MKNK1: variants seen among roughly 807,000 people sequenced by gnomAD.
MKNK1 encodes MAPK interacting serine/threonine kinase 1, also known as MAP kinase-interacting serine/threonine-protein kinase 1.
A neutral mutation model predicts 49.3 loss-of-function variants in MKNK1; 30 were observed. The ratio of observed to expected loss-of-function variants is 0.61; its 90% confidence interval spans 0.46 to 0.83. MKNK1 has a LOEUF of 0.83. Ranked by LOEUF, MKNK1 falls within the 40% of genes least tolerant of loss-of-function variation. MKNK1 has a pLI of 0.00. For missense variants in MKNK1, 423 were observed against 524.7 expected (o/e 0.81, Z 1.89); for synonymous variants, 176 against 201.7 (o/e 0.87, Z 1.08).
intron 1 of MKNK1, among the ~76,000 whole-genome samples, chr1:46,594,527 G>A (rs540081208): frequency 6.6e-6 from 1 of 152,246 alleles, no homozygotes; most frequent in South Asian, 2.1e-4. Context: ...GGAAGGGGTG[G>A]CTTCTAATTC....
intron 2 of MKNK1, chr1:46,586,054 G>A (rs1672520758): frequency 1.7e-6 from 1 of 599,426 alleles, no homozygotes; most frequent in Middle Eastern, 3.1e-4. Flanking sequence ...GGGGAAGCGA[G>A]AGGTGTCATA....
chr1:46,596,039 C>T (rs984702664), intron 1 of MKNK1, among the ~76,000 whole-genome samples: 6 of 152,236 alleles, frequency 3.9e-5, no homozygotes, highest in Admixed American at 6.5e-5. Context: ...TGAGCCACCA[C>T]GCCTGGCCTT....
chr1:46,557,853 T>C lies in MKNK1; in HGVS notation c.*722A>G, dbSNP rs1363032846. 1 of 152,246 alleles carries C rather than the reference T, an allele frequency of 6.6e-6. No individual in the cohort carries two copies. The highest frequency in any genetic ancestry group is 1.9e-4 in the East Asian group (1 of 5,202). The allele number at this position is 152,246 out of a possible 1,614,324, so 9.4% of individuals were successfully genotyped here. ...CTTGCAGTGGGAGTTTAAGGTATCA[T>C]CTTTGCTGGAACAGCATGGTTAAAA... On this transcript the variant is annotated 3_prime_UTR_variant, in exon 13 of 13. Transcript: ENST00000371945.
intron 7 of MKNK1, chr1:46,571,577 T>G (rs1164696224): frequency 4.7e-6 from 2 of 425,558 alleles, no homozygotes; most frequent in South Asian, 3.4e-5. Flanking sequence ...AAATAGATTT[T>G]TCATTTACTG....
intron 2 of MKNK1, chr1:46,585,544 G>A (rs1672439832): frequency 1.1e-5 from 3 of 269,864 alleles, no homozygotes; most frequent in South Asian, 3.9e-5. Context: ...TTTTCTCATC[G>A]GCACCGCAGG....
chr1:46,579,776 C>T (rs1299746304), intron 4 of MKNK1, among the ~76,000 whole-genome samples: 1 of 152,202 alleles, frequency 6.6e-6, no homozygotes, highest in Non-Finnish European at 1.5e-5. Context: ...AGAGGGGTGA[C>T]ATGAGCCACT....
Position 46,557,637 on chromosome 1 carries a change from C to G in MKNK1, c.*938G>C, listed in dbSNP as rs1449389340. The stretch of plus-strand genomic sequence containing the variant: ...GTGGCTTCACCTTAGGCACAGAGCA[C>G]TATCTAACTGCCCAGATCTGTGCCA... On this transcript the variant is annotated 3_prime_UTR_variant, in exon 13 of 13. Transcript: ENST00000371945. 6.6e-6 allele frequency: 1 copy of G among 152,630 alleles called. No individual in the cohort carries two copies. The highest frequency in any genetic ancestry group is 1.5e-5 in the Non-Finnish European group (1 of 68,048). The allele number at this position is 152,630 out of a possible 1,614,324, so 9.5% of individuals were successfully genotyped here.
At chr1:46,575,067 T>G in intron 5 of MKNK1, 47 bp from the exon 6 acceptor site, 4 of 1,253,704 alleles carry the variant, frequency 3.2e-6, no homozygotes, top group Non-Finnish European at 4.6e-6. Context: ...GGAAATGGTA[T>G]TATATATTAA....
intron 5 of MKNK1, chr1:46,576,153 C>T (rs1670920223): frequency 5.4e-6 from 1 of 186,756 alleles, no homozygotes; most frequent in Non-Finnish European, 1.1e-5. Flanking sequence ...GGTATCTGCA[C>T]ATATGTAAAC....
Position 46,589,127 on chromosome 1 carries a change from A to G in MKNK1, c.-3+4986T>C, listed in dbSNP as rs1181976872. 6.6e-6 allele frequency among the ~76,000 whole-genome samples: 1 copy of G among 152,242 alleles called. No homozygotes were observed. The highest frequency in any genetic ancestry group is 2.4e-5 in the African/African-American group (1 of 41,460). ...TGGTGCTAGACAGTGAGAGTATAAG[A>G]GAAGACACAGTCTCTTCCCTGATGG... On this transcript the variant is annotated intron_variant, in intron 2 of 12. Transcript: ENST00000371945. The surrounding 1 kb of genome is among the most constrained non-coding windows in gnomAD (Gnocchi z 4.3).
In MKNK1 at chr1:46,561,476, AC is replaced by A; in HGVS notation, c.969+1del. 6.2e-7 allele frequency: 1 copy of A among 1,605,368 alleles called. No homozygotes were observed. Among genetic ancestry groups the A allele is most frequent in the Non-Finnish European group, 8.5e-7 (1 of 1,174,406 alleles). Reference sequence around the variant, plus strand: ...AAAACACCCCTCCCTGGAGTCACTCACCCCCTGCACCCATGGGTGCTGCAGA... The same window carrying A: ...AAAACACCCCTCCCTGGAGTCACTCACCCCTGCACCCATGGGTGCTGCAGA... On this transcript the variant is annotated splice_donor_variant, in intron 11 of 12. Transcript: ENST00000371945. LOFTEE classifies it high-confidence loss of function.
chr1:46,572,299 CG>C, intron 6 of MKNK1, 132 bp from the exon 7 acceptor site: 1 of 635,704 alleles, frequency 1.6e-6, no homozygotes, highest in Non-Finnish European at 2.7e-6. Context: ...CTGCAACCTC[CG>C]CCTCCGGGTT....
At chr1:46,599,243 C>T (rs186708544) in intron 1 of MKNK1, among the ~76,000 whole-genome samples, 1 of 152,270 alleles carries the variant, frequency 6.6e-6, no homozygotes, top group African/African-American at 2.4e-5. Flanking sequence ...GACTTGAATG[C>T]CAGCCTCTGC....
chr1:46,588,011 C>A (rs1434926917), intron 2 of MKNK1, among the ~76,000 whole-genome samples: 1 of 152,204 alleles, frequency 6.6e-6, no homozygotes, highest in Non-Finnish European at 1.5e-5. Flanking sequence ...CATATTATCT[C>A]TAATTCTTAT....
chr1:46,590,454 TTATTTA>T (rs1248785270), intron 2 of MKNK1, among the ~76,000 whole-genome samples: 1 of 152,250 alleles, frequency 6.6e-6, no homozygotes, highest in African/African-American at 2.4e-5. Context: ...ATATACTAAC[TTATTTA>T]ATCATCACTA....
chr1:46,592,346 C>G (rs1365629700), intron 2 of MKNK1, among the ~76,000 whole-genome samples: 2 of 152,354 alleles, frequency 1.3e-5, no homozygotes, highest in Admixed American at 1.3e-4. Context: ...AACAGTCTTA[C>G]TCATTGTTGC....
rs200310287 is a variant in MKNK1 at position 46,583,269 on chromosome 1, C to T, written c.59G>A (p.Arg20Gln). Residue 20 changes from arginine (R) to glutamine (Q), a missense_variant, in exon 3 of 13, where the codon CGG becomes CAG. Arg to Gln is a conservative substitution (Grantham distance 43). Transcript: ENST00000371945. ...ADGDRRRKKK[R>Q]RGRATDSLPG... ...CAAGGAGTCAGTGGCCCGGCCCCTC[C>T]GCTTCTTCTTCCTCCTCCTGTCACC... is the stretch of plus-strand genomic sequence containing the variant. 90 of 1,614,050 alleles carry T rather than the reference C, an allele frequency of 5.6e-5. No homozygotes were observed. In the East Asian group the frequency reaches 1.5e-3, roughly 27 times the overall value.
intron 7 of MKNK1, chr1:46,569,838 G>C (rs1431155003): frequency 2.0e-5 from 3 of 152,170 alleles, no homozygotes; most frequent in African/African-American, 7.2e-5. Context: ...AGGATCACGA[G>C]CCACACACGG....
chr1:46,558,322 T>A lies in MKNK1; in HGVS notation c.*253A>T, dbSNP rs923706930. 1 of 501,304 alleles carries A rather than the reference T, an allele frequency of 2.0e-6. No individual in the cohort carries two copies. Among genetic ancestry groups the A allele is most frequent in the Non-Finnish European group, 3.5e-6 (1 of 285,880 alleles). The allele number at this position is 501,304 out of a possible 1,614,324, so 31.1% of individuals were successfully genotyped here. On this transcript the variant is annotated 3_prime_UTR_variant, in exon 13 of 13. Transcript: ENST00000371945. ...GTGGAGCCCAGTGAAGAGATGTTCC[T>A]GCTGCAGGCAATTATGCAAAGTGAG...
Sources: allele counts gnomAD v4.1 joint callset (sites outside exome capture counted in the v4.1 genomes callset), GRCh38; gene constraint gnomAD v4.1.1; non-coding constraint Gnocchi (gnomAD v3.1); transcripts MANE v1.5; gene names NCBI Gene and HGNC (gene_info 2026-07-23, HGNC 2026-07-21).